RIPOR2: variants seen among roughly 807,000 people sequenced by gnomAD.
RIPOR2 encodes the protein RHO family interacting cell polarization regulator 2.
A neutral mutation model predicts 114.5 loss-of-function variants in RIPOR2; 39 were observed. The observed-to-expected ratio is 0.34, with a 90% CI of 0.26 to 0.44. The LOEUF (loss-of-function observed/expected upper bound fraction) is 0.44, where lower values mean the gene tolerates loss of function less well. Ranked by LOEUF, RIPOR2 falls within the 20% of genes least tolerant of loss-of-function variation. The pLI is 1.00. For synonymous variants in RIPOR2, 445 were observed against 484.4 expected, an observed-to-expected ratio of 0.92 and a Z score of 1.07; for missense variants, 1,007 against 1,255.1, an observed-to-expected ratio of 0.80 and a Z score of 2.99.
Position 24,935,859 on chromosome 6 carries a change from C to T in RIPOR2, c.40G>A (p.Glu14Lys). The T allele has an allele frequency of 6.5e-7, 1 of 1,535,522 alleles. No individual in the cohort carries two copies. Among genetic ancestry groups the T allele is most frequent in the Non-Finnish European group, 8.7e-7 (1 of 1,146,752 alleles). ...FDAEELLVDE[E>K]DDVFGEGLPT... ...TTACCTTCACCAAAAACATCATCCT[C>T]TTCATCGACCAGGAGCTCCTCAGCA... is the stretch of plus-strand genomic sequence containing the variant. Residue 14 changes from glutamate (E) to lysine (K), a missense_variant, in exon 1 of 22, where the codon GAG (glutamate) becomes AAG (lysine). By Grantham distance (56) the Glu-to-Lys change is moderately conservative. Transcript: ENST00000643898.
chr6:24,872,279 G>A (rs1765253490), intron 4 of RIPOR2, among the ~76,000 whole-genome samples: 1 of 152,092 alleles, frequency 6.6e-6, no homozygotes, highest in East Asian at 1.9e-4. Flanking sequence ...TCTCATGGTG[G>A]TTACTCCTTT....
chr6:24,817,625 A>G (rs1224432874), intron 20 of RIPOR2, among the ~76,000 whole-genome samples: 1 of 18,970 alleles, frequency 5.3e-5, no homozygotes, highest in Non-Finnish European at 2.9e-4. Context: ...ATGGAAATGC[A>G]GAAATCACCC....
At chr6:24,820,283 G>A (rs1485871865) in intron 19 of RIPOR2, among the ~76,000 whole-genome samples, 2 of 152,198 alleles carry the variant, frequency 1.3e-5, no homozygotes, top group South Asian at 2.1e-4. Context: ...CGTCCGCCTC[G>A]GCCTCCCAGA....
At chr6:24,949,161 G>A (rs1485653916) in intron 1 of RIPOR2, among the ~76,000 whole-genome samples, 6 of 152,026 alleles carry the variant, frequency 3.9e-5, no homozygotes, top group Non-Finnish European at 7.4e-5. Context: ...CACAAACAGC[G>A]CTGAAGGCAG....
intron 1 of RIPOR2, among the ~76,000 whole-genome samples, chr6:24,989,885 C>A (rs9467374): frequency 0.27 from 40,664 of 151,502 alleles, 5,909 homozygotes; most frequent in Middle Eastern, 0.35. Flanking sequence ...CAAAAATTAG[C>A]CAGGCGTGGT....
chr6:24,901,463 A>C (rs1035425537), intron 1 of RIPOR2, among the ~76,000 whole-genome samples: 3 of 152,232 alleles, frequency 2.0e-5, no homozygotes, highest in Non-Finnish European at 2.9e-5. Flanking sequence ...TGACCCTTAA[A>C]AAAGAAACAC....
intron 1 of RIPOR2, among the ~76,000 whole-genome samples, chr6:24,963,584 T>C (rs1036857844): frequency 6.6e-6 from 1 of 152,182 alleles, no homozygotes; most frequent in Admixed American, 6.5e-5. Context: ...AATATGTACA[T>C]ATTAATATGT....
chr6:24,839,119 A>G lies in RIPOR2; in HGVS notation c.2011T>C (p.Phe671Leu). Residue 671 changes from phenylalanine (F) to leucine (L), a missense_variant, in exon 14 of 22, where the codon TTT becomes CTT. Coordinates refer to ENST00000643898, the MANE Select transcript of RIPOR2 (RefSeq NM_001286445.3). ...CNVGGGADSV[F>L]SDTETEKHSY... is the part of the protein sequence containing the mutation. The stretch of plus-strand genomic sequence containing the variant: ...TGTTTCTCAGTCTCAGTGTCTGAAA[A>G]TACTGAGTCAGCACCTCCGCCAACA... 1.3e-6 allele frequency: 2 copies of G among 1,551,628 alleles called. No individual in the cohort carries two copies. Among genetic ancestry groups the G allele is most frequent in the Non-Finnish European group, 1.7e-6 (2 of 1,146,954 alleles).
At position 24,979,503 on chromosome 6, in the gene RIPOR2, G is replaced by A. The variant is rs1044046229; in HGVS notation, c.76+62348C>T. Among the ~76,000 whole-genome samples the A allele has an allele frequency of 3.3e-5, 5 of 152,070 alleles. No individual in the cohort carries two copies. In the East Asian group the frequency reaches 7.7e-4, roughly 23 times the overall value. On this transcript the variant is annotated intron_variant, in intron 1 of 13. Coordinates refer to the RIPOR2 transcript ENST00000510784. ...TGATAGAATTAATATGAATTGAATC[G>A]CATTCTTTTTACTGTAACCAACTAT...
rs1290577422 is a variant in RIPOR2 at position 24,858,203 on chromosome 6, G to A, written c.715+2770C>T. Among the ~76,000 whole-genome samples the A allele has an allele frequency of 6.6e-6, 1 of 152,130 alleles. No homozygotes were observed. Among genetic ancestry groups the A allele is most frequent in the Non-Finnish European group, 1.5e-5 (1 of 68,022 alleles). ...CAGCCTCATATGTCTGTTTTCTCTG[G>A]TAGACCATGTGGAACTCAAGGCCAG... On this transcript the variant is annotated intron_variant, in intron 8 of 21. Coordinates refer to ENST00000643898, the MANE Select transcript of RIPOR2 (RefSeq NM_001286445.3). This position sits in a 1 kb window ranked among gnomAD's most constrained non-coding sequence, Gnocchi z 4.0.
intron 1 of RIPOR2, among the ~76,000 whole-genome samples, chr6:24,876,356 G>T (rs966520423): frequency 2.0e-5 from 3 of 151,916 alleles, no homozygotes; most frequent in African/African-American, 7.3e-5. Context: ...CATCACTTTA[G>T]GTTTCCTTCA....
intron 8 of RIPOR2, among the ~76,000 whole-genome samples, chr6:24,856,147 A>AG (rs1763453025): frequency 6.6e-6 from 1 of 152,030 alleles, no homozygotes; most frequent in South Asian, 2.1e-4. Context: ...GGATGCTTAA[A>AG]AAAGAAGCAT....
intron 1 of RIPOR2, among the ~76,000 whole-genome samples, chr6:24,892,542 T>G (rs1562320582): frequency 6.6e-6 from 1 of 152,230 alleles, no homozygotes; most frequent in Non-Finnish European, 1.5e-5. Flanking sequence ...CTTTTCCATT[T>G]TTTTTCTAGT....
chr6:24,910,759 C>G (rs542393546), intron 1 of RIPOR2: 1 of 964,496 alleles, frequency 1.0e-6, no homozygotes, highest in East Asian at 1.1e-4. Flanking sequence ...CCACACAGAC[C>G]TCACCGCGTT....
intron 1 of RIPOR2, among the ~76,000 whole-genome samples, chr6:24,958,958 C>CTTTCCTTTTTT (rs139147901): frequency 8.1e-6 from 1 of 123,220 alleles, no homozygotes; most frequent in East Asian, 2.2e-4. Context: ...TCTACATTTT[C>CTTTCCTTTTTT]TTTTTTTTTT....
At chr6:24,809,686 C>T (rs1322477028) in intron 21 of RIPOR2, 31 bp downstream of exon 21, 2 of 1,404,938 alleles carry the variant, frequency 1.4e-6, no homozygotes, top group Non-Finnish European at 9.9e-7. Context: ...CAGAAGCAAA[C>T]AATCATGTAA....
At chr6:24,979,492 T>C (rs947283893) in intron 1 of RIPOR2, among the ~76,000 whole-genome samples, 1 of 152,164 alleles carries the variant, frequency 6.6e-6, no homozygotes, top group East Asian at 1.9e-4. Flanking sequence ...AGAATTAATA[T>C]GAATTGAATC....
In RIPOR2 at chr6:24,994,939, C is replaced by T. The variant is rs74514586; in HGVS notation, c.76+46912G>A. On this transcript the variant is annotated intron_variant, in intron 1 of 13. Coordinates refer to the RIPOR2 transcript ENST00000510784. ...CAATGGAGCTCACATTTTGTTTAGA[C>T]ATTATACTGTGATGTATATGGCCCC... Among the ~76,000 whole-genome samples, 1,212 of 152,270 alleles carry T rather than the reference C, an allele frequency of 8.0e-3. 11 individuals are homozygous for T. Among genetic ancestry groups the T allele is most frequent in the African/African-American group, 0.025 (1,058 of 41,546 alleles).
intron 1 of RIPOR2, among the ~76,000 whole-genome samples, chr6:24,906,795 T>C (rs1332609054): frequency 6.6e-6 from 1 of 151,966 alleles, no homozygotes; most frequent in Non-Finnish European, 1.5e-5. Context: ...CACCACCATG[T>C]CTGGCTAATT....
Sources: allele counts gnomAD v4.1 joint callset (sites outside exome capture counted in the v4.1 genomes callset), GRCh38; gene constraint gnomAD v4.1.1; non-coding constraint Gnocchi (gnomAD v3.1); transcripts MANE v1.5; gene names NCBI Gene and HGNC (gene_info 2026-07-23, HGNC 2026-07-21).